The following PCDH17 variants were observed in gnomAD, a reference collection of about 807,000 sequenced individuals.
The protein encoded by PCDH17 is protocadherin 17, also known as protocadherin-17.
PCDH17 carries 21 observed loss-of-function variants against 67.7 expected under a neutral mutation model. That is an observed-to-expected ratio of 0.31 (90% CI 0.22 to 0.45). PCDH17 has a LOEUF of 0.45. Among genes scored for constraint, PCDH17 ranks in the 20% least tolerant of loss-of-function variants. The pLI, the probability that PCDH17 is intolerant of heterozygous loss-of-function variation, is 1.00. For missense variants in PCDH17, 1,471 were observed against 1,564.8 expected (o/e 0.94, Z 1.01); for synonymous variants, 701 against 656.7 (o/e 1.07, Z -1.03).
At position 57,634,961 on chromosome 13, in the gene PCDH17, C is replaced by G; in HGVS notation, c.2415C>G (p.Pro805=). 6.2e-7 allele frequency: 1 copy of G among 1,613,968 alleles called. No homozygotes were observed. The highest frequency in any genetic ancestry group is 8.5e-7 in the Non-Finnish European group (1 of 1,180,004). ...PMYFDYQTRL[P]LSSPRSEVMY... ...ACTTCGACTACCAGACCCGCCTGCCCCTCAGCTCGCCCCGGTCGGAGGTGA... is the reference window on the plus strand; with the variant it reads ...ACTTCGACTACCAGACCCGCCTGCCGCTCAGCTCGCCCCGGTCGGAGGTGA... Residue 805 remains proline (P), a synonymous_variant, in exon 1 of 4, where the codon CCC becomes CCG. Coordinates refer to ENST00000377918, the MANE Select transcript of PCDH17 (RefSeq NM_001040429.3). This position sits in a 1 kb window ranked among gnomAD's most constrained non-coding sequence, Gnocchi z 7.8.
chr13:57,634,101 G>C lies in PCDH17; in HGVS notation c.1555G>C (p.Val519Leu), dbSNP rs771668366. 1 of 1,612,834 alleles carries C rather than the reference G, an allele frequency of 6.2e-7. No homozygotes were observed. The highest frequency in any genetic ancestry group is 1.3e-5 in the African/African-American group (1 of 74,698). ...TATCCTGCCCTCGCACATCGGCGAC[G>C]TGTCTATCTACACCTATGTGTCTGT... The part of the protein sequence containing the change: ...YSILPSHIGD[V>L]SIYTYVSVNP... The change falls in exon 1 of 4, where the codon GTG becomes CTG. Residue 519 changes from valine to leucine, a missense_variant. Transcript: ENST00000377918. This position sits in a 1 kb window ranked among gnomAD's most constrained non-coding sequence, Gnocchi z 7.8.
Position 57,666,746 on chromosome 13 carries a change from A to G in PCDH17, c.2710A>G (p.Thr904Ala). 1.2e-6 allele frequency: 2 copies of G among 1,613,838 alleles called. No individual in the cohort carries two copies. Among genetic ancestry groups the G allele is most frequent in the Non-Finnish European group, 1.7e-6 (2 of 1,179,842 alleles). The change falls in exon 3 of 4, where the codon ACT (threonine) becomes GCT (alanine). Residue 904 changes from threonine (T) to alanine (A), a missense_variant. Physicochemically the swap from Thr to Ala is moderately conservative, Grantham distance 58 (BLOSUM62 0). Coordinates refer to ENST00000377918, the MANE Select transcript of PCDH17 (RefSeq NM_001040429.3). ...DSDQADSDQD[T>A]NKGSCCDMSV... is the part of the protein sequence containing the mutation. ...TGATCAGGCTGACAGTGACCAAGAC[A>G]CTAACAAAGGCTCCTGCTGTGACAT...
chr13:57,693,344 A>ATATATATATATATATATATATC (rs1384014902), intron 3 of PCDH17, among the ~76,000 whole-genome samples: 4 of 141,038 alleles, frequency 2.8e-5, no homozygotes, highest in South Asian at 4.5e-4. Flanking sequence ...ATATATATAT[A>ATATATATATATATATATATATC]TCAAGGAGTT....
At chr13:57,694,929 G>A (rs888295593) in intron 3 of PCDH17, among the ~76,000 whole-genome samples, 5 of 151,062 alleles carry the variant, frequency 3.3e-5, no homozygotes, top group African/African-American at 9.7e-5. Flanking sequence ...GGATGTTTCT[G>A]TAATTCCCTG....
chr13:57,722,591 C>T (rs1955880103), intron 3 of PCDH17, among the ~76,000 whole-genome samples: 1 of 151,762 alleles, frequency 6.6e-6, no homozygotes, highest in Admixed American at 6.6e-5. Flanking sequence ...GATATTGAAC[C>T]TTTCTTTTTG....
intron 3 of PCDH17, among the ~76,000 whole-genome samples, chr13:57,693,097 C>T (rs1401155427): frequency 6.7e-6 from 1 of 150,266 alleles, no homozygotes; most frequent in Non-Finnish European, 1.5e-5. Context: ...TACTTATCTC[C>T]AGGGATATGC....
At position 57,632,720 on chromosome 13, in the gene PCDH17, C is replaced by G. The variant is rs1299337958; in HGVS notation, c.174C>G (p.Arg58=). ...CTGCAGAGCGCGGCGGCGGAGGGCG[C>G]AGCAAGTCGGGTAGCTACCGGGTGC... ...LPPAERGGGG[R]SKSGSYRVLE... is the part of the protein sequence containing the mutation. The change falls in exon 1 of 4, where the codon CGC becomes CGG. Residue 58 remains arginine (R), a synonymous_variant. Transcript: ENST00000377918. The G allele has an allele frequency of 1.9e-6, 3 of 1,611,604 alleles. No homozygotes were observed. The highest frequency in any genetic ancestry group is 2.7e-5 in the African/African-American group (2 of 74,944).
rs575129225 is a variant in PCDH17, at chr13:57,678,930, G to C, written c.2797+12097G>C. On this transcript the variant is annotated intron_variant, in intron 3 of 3. Transcript: ENST00000377918. Reference sequence around the variant, plus strand: ...GCTTTCCAGAATTAAGAATTTTTCTGATCTTAGAAAGGGGCTATAGTTCAT... The same window carrying C: ...GCTTTCCAGAATTAAGAATTTTTCTCATCTTAGAAAGGGGCTATAGTTCAT... 1.0e-3 allele frequency among the ~76,000 whole-genome samples: 157 copies of C among 151,472 alleles called. 1 individual carries two copies. The highest frequency in any genetic ancestry group is 1.9e-3 in the Non-Finnish European group (128 of 67,618).
chr13:57,701,313 G>A (rs1413979523), intron 3 of PCDH17, among the ~76,000 whole-genome samples: 1 of 152,032 alleles, frequency 6.6e-6, no homozygotes, highest in African/African-American at 2.4e-5. Flanking sequence ...CTGTAGAAGT[G>A]AAGCAAAAAG....
chr13:57,709,110 AAT>A (rs71083326), intron 3 of PCDH17, among the ~76,000 whole-genome samples: 4 of 149,108 alleles, frequency 2.7e-5, no homozygotes, highest in Non-Finnish European at 4.5e-5. Flanking sequence ...ATATGTATAA[AAT>A]ATATATATAT....
intron 1 of PCDH17, among the ~76,000 whole-genome samples, chr13:57,664,646 A>G (rs1247064370): frequency 1.3e-5 from 2 of 152,092 alleles, no homozygotes; most frequent in Non-Finnish European, 2.9e-5. Context: ...AGTAAATTTT[A>G]TTGTCTCTTT....
chr13:57,721,576 G>A (rs1024227763), intron 3 of PCDH17, among the ~76,000 whole-genome samples: 2 of 151,904 alleles, frequency 1.3e-5, no homozygotes, highest in Non-Finnish European at 2.9e-5. Context: ...AACTTATTGA[G>A]GGCACTTAAA....
intron 3 of PCDH17, among the ~76,000 whole-genome samples, chr13:57,685,544 A>G (rs1014650060): frequency 6.6e-6 from 1 of 151,986 alleles, no homozygotes; most frequent in Admixed American, 6.6e-5. Context: ...ATGTAGTTTG[A>G]TATTGTGCTA....
chr13:57,666,470 A>C lies in PCDH17; in HGVS notation c.2568A>C (p.Thr856=). The change falls in exon 2 of 4, where the codon ACA becomes ACC. Residue 856 remains threonine, a splice_region_variant and synonymous_variant. Coordinates refer to ENST00000377918, the MANE Select transcript of PCDH17 (RefSeq NM_001040429.3). ...ATTTTTTTCCTTCTCTTTCACAGAC[A>C]GACAATTTTCCCGCAGAGCCCAATT... ...TPATRMSIIQ[T]DNFPAEPNYM... The C allele has an allele frequency of 6.2e-7, 1 of 1,613,514 alleles. No homozygotes were observed. Among genetic ancestry groups the C allele is most frequent in the Non-Finnish European group, 8.5e-7 (1 of 1,179,500 alleles).
chr13:57,716,867 AAGGTGTGGGG>A (rs1955821382), intron 3 of PCDH17, among the ~76,000 whole-genome samples: 1 of 151,900 alleles, frequency 6.6e-6, no homozygotes, highest in African/African-American at 2.4e-5. Flanking sequence ...ATTCCTAGGC[AAGGTGTGGGG>A]AGGTGTGTAA....
At chr13:57,693,080 GT>G (rs1955573690) in intron 3 of PCDH17, among the ~76,000 whole-genome samples, 1 of 150,302 alleles carries the variant, frequency 6.7e-6, no homozygotes, top group African/African-American at 2.4e-5. Flanking sequence ...GGAGGTTATA[GT>G]TTTTGTACTT....
chr13:57,703,425 G>A (rs1168866052), intron 3 of PCDH17, among the ~76,000 whole-genome samples: 4 of 152,052 alleles, frequency 2.6e-5, no homozygotes, highest in Non-Finnish European at 5.9e-5. Context: ...GTATAGTGGA[G>A]GAAAGATAAG....
intron 1 of PCDH17, among the ~76,000 whole-genome samples, chr13:57,639,048 T>C (rs1265323951): frequency 6.6e-6 from 1 of 152,026 alleles, no homozygotes; most frequent in Non-Finnish European, 1.5e-5. Flanking sequence ...AGCTCTTTAA[T>C]TAGTATATGC....
chr13:57,678,777 G>C (rs1428540629), intron 3 of PCDH17, among the ~76,000 whole-genome samples: 1 of 151,490 alleles, frequency 6.6e-6, no homozygotes, highest in Non-Finnish European at 1.5e-5. Context: ...TAGGGGCATG[G>C]AATATATCAA....
Sources: gnomAD v4.1 joint callset for allele counts (sites outside exome capture counted in the v4.1 genomes callset) on GRCh38, gnomAD v4.1.1 for gene constraint, Gnocchi (gnomAD v3.1) non-coding constraint, MANE v1.5 for transcripts, NCBI Gene and HGNC (gene_info 2026-07-23, HGNC 2026-07-21) for gene names.